DGCR2: variants seen among roughly 807,000 people sequenced by gnomAD.
DGCR2 encodes the protein integral membrane protein DGCR2/IDD.
Under a neutral mutation model 51.6 loss-of-function variants are expected in DGCR2, and 24 were observed. The observed-to-expected ratio is 0.47, with a 90% CI of 0.34 to 0.65. The LOEUF is 0.65. DGCR2 is among the 30% of genes least tolerant of loss of function. DGCR2 has a pLI of 0.01. For synonymous variants in DGCR2, 340 were observed against 315.4 expected (o/e 1.08, Z -0.82); for missense variants, 765 against 772.1 (o/e 0.99, Z 0.11).
chr22:19,071,481 TAA>T (rs576018440), intron 2 of DGCR2, among the ~76,000 whole-genome samples: 10 of 144,644 alleles, frequency 6.9e-5, no homozygotes, highest in African/African-American at 2.5e-4. Flanking sequence ...TATTGCTACC[TAA>T]AAAAAAAAAG....
intron 1 of DGCR2, among the ~76,000 whole-genome samples, chr22:19,091,710 G>A (rs1268399333): frequency 1.3e-4 from 20 of 151,580 alleles, no homozygotes; most frequent in Admixed American, 9.8e-4. Flanking sequence ...TCAGGAGTTC[G>A]AGACCAGCCT....
Position 19,061,341 on chromosome 22 carries a change from C to G in DGCR2, c.625+1861G>C, listed in dbSNP as rs372929461. On this transcript the variant is annotated intron_variant, in intron 5 of 9. Transcript: ENST00000263196. The stretch of plus-strand genomic sequence containing the variant: ...CGATTCCACTATGGAGAGAGGAGTG[C>G]GTGCACCCGAGCCACCTCGGTGCTG... 2.0e-5 allele frequency: 3 copies of G among 152,514 alleles called. No homozygotes were observed. In the South Asian group the frequency reaches 6.2e-4, roughly 31 times the overall value. 9.4% of individuals were successfully genotyped at this position (152,514 alleles called of 1,614,324 possible).
rs190441824 is a variant in DGCR2 at position 19,117,118 on chromosome 22, C to T, written c.79+5010G>A. On this transcript the variant is annotated intron_variant, in intron 1 of 9. Transcript: ENST00000263196. ...CCCATTACTGCTAAGAGGATCTGTG[C>T]GTAACAAGATTACCTGCCGTCACTG... 3.0e-4 allele frequency among the ~76,000 whole-genome samples: 45 copies of T among 152,244 alleles called. No individual in the cohort carries two copies. The East Asian group carries it at 7.9e-3, about 27-fold the overall frequency.
At position 19,111,007 on chromosome 22, in the gene DGCR2, T is replaced by A. The variant is rs1248887243; in HGVS notation, c.79+11121A>T. On this transcript the variant is annotated intron_variant, in intron 1 of 9. Transcript: ENST00000263196. Reference sequence around the variant, plus strand: ...TTAAGTAGTATGTTTTATATTCAGTTATACACATTTTTTTCCTTTTAAAAT... The same window carrying A: ...TTAAGTAGTATGTTTTATATTCAGTAATACACATTTTTTTCCTTTTAAAAT... Among the ~76,000 whole-genome samples, 3 of 152,248 alleles carry A rather than the reference T, an allele frequency of 2.0e-5. No individual in the cohort carries two copies. The East Asian group carries it at 5.8e-4, about 29-fold the overall frequency.
At chr22:19,072,137 G>C (rs1467840240) in intron 2 of DGCR2, among the ~76,000 whole-genome samples, 9 of 152,156 alleles carry the variant, frequency 5.9e-5, no homozygotes, top group African/African-American at 1.9e-4. Flanking sequence ...GATAAAACAG[G>C]TGGTGTCTGG....
Position 19,122,187 on chromosome 22 carries a change from C to A in DGCR2, c.20G>T (p.Ser7Ile). Residue 7 changes from serine to isoleucine, a missense_variant, in exon 1 of 10, where the codon AGC becomes ATC. Ser to Ile is a moderately radical substitution (Grantham distance 142). Around this residue, in one of 3 missense-constraint regions of DGCR2, gnomAD observed 370 missense variants for 325.5 expected, o/e 1.14. Transcript: ENST00000263196. ...CAGGAAGAGCAGCAGGAAGGCGCCG[C>A]TGTCTGCCTTGGGCACCATTTATCC... MVPKAD[S>I]GAFLLLFLLV... 1 of 1,510,808 alleles carries A rather than the reference C, an allele frequency of 6.6e-7. No individual in the cohort carries two copies. The highest frequency in any genetic ancestry group is 2.1e-5 in the Admixed American group (1 of 46,636). The allele number at this position is 1,510,808 out of a possible 1,614,324, so 93.6% of individuals were successfully genotyped here.
At chr22:19,056,927 C>T (rs2082610043) in intron 6 of DGCR2, 59 bp downstream of exon 6, 1 of 1,490,746 alleles carries the variant, frequency 6.7e-7, no homozygotes, top group Non-Finnish European at 9.0e-7. Flanking sequence ...ACTCAGGGTC[C>T]AACAAAGTGA....
chr22:19,084,747 G>A (rs1291448353), intron 2 of DGCR2, among the ~76,000 whole-genome samples: 9 of 146,136 alleles, frequency 6.2e-5, no homozygotes, highest in South Asian at 2.3e-4. Context: ...CAGCCGCCCC[G>A]TCCGGGAGGG....
chr22:19,088,120 G>T (rs1228115015), intron 2 of DGCR2, among the ~76,000 whole-genome samples: 1 of 152,118 alleles, frequency 6.6e-6, no homozygotes, highest in Non-Finnish European at 1.5e-5. Flanking sequence ...GGAATGAATT[G>T]GTTTTCCTTC....
chr22:19,044,659 C>A (rs1312707996), intron 7 of DGCR2, among the ~76,000 whole-genome samples: 1 of 152,214 alleles, frequency 6.6e-6, no homozygotes, highest in Non-Finnish European at 1.5e-5. Context: ...TTGATGCTAT[C>A]AGTTTCATTA....
At chr22:19,104,225 A>T (rs1032612428) in intron 1 of DGCR2, among the ~76,000 whole-genome samples, 1 of 152,172 alleles carries the variant, frequency 6.6e-6, no homozygotes, top group South Asian at 2.1e-4. Flanking sequence ...GGGAACCCCC[A>T]GAGACCCCTG....
chr22:19,074,055 A>C (rs1021920308), intron 2 of DGCR2, among the ~76,000 whole-genome samples: 1 of 152,226 alleles, frequency 6.6e-6, no homozygotes, highest in Non-Finnish European at 1.5e-5. Context: ...AGAGACTTCT[A>C]GGTACTTAAA....
chr22:19,105,976 C>T (rs550086003), intron 1 of DGCR2, among the ~76,000 whole-genome samples: 1 of 152,212 alleles, frequency 6.6e-6, no homozygotes, highest in Non-Finnish European at 1.5e-5. Context: ...GCCCCTTCCC[C>T]ATCGCTGCCA....
chr22:19,063,403 C>T (rs1044978145), intron 4 of DGCR2, 125 bp from the exon 5 acceptor site: 28 of 835,356 alleles, frequency 3.4e-5, no homozygotes, highest in South Asian at 2.3e-4. Flanking sequence ...TGCAGTGGTG[C>T]GATCTCGGCT....
At chr22:19,082,222 C>CTTTTTTTTTTTTTTTTTTTT in intron 2 of DGCR2, among the ~76,000 whole-genome samples, 1 of 88,052 alleles carries the variant, frequency 1.1e-5, no homozygotes, top group Non-Finnish European at 2.1e-5. Flanking sequence ...CTAATTATTT[C>CTTTTTTTTTTTTTTTTTTTT]TTTTTTTTTT....
At chr22:19,116,313 T>G (rs1010174108) in intron 1 of DGCR2, among the ~76,000 whole-genome samples, 1 of 152,146 alleles carries the variant, frequency 6.6e-6, no homozygotes, top group African/African-American at 2.4e-5. Flanking sequence ...CCCTCCAACC[T>G]AGACTTGCCC....
intron 7 of DGCR2, chr22:19,047,849 C>T (rs1224425212): frequency 6.5e-6 from 1 of 154,910 alleles, no homozygotes; most frequent in African/African-American, 2.4e-5. Flanking sequence ...TGTCACTACC[C>T]TCCATATCAT....
chr22:19,067,987 C>T, intron 3 of DGCR2, 113 bp downstream of exon 3: 1 of 1,381,324 alleles, frequency 7.2e-7, no homozygotes, highest in South Asian at 1.7e-5. Context: ...CCTCACTGGC[C>T]TCCAAGGGCT....
At chr22:19,108,464 C>T (rs2083281124) in intron 1 of DGCR2, among the ~76,000 whole-genome samples, 1 of 150,638 alleles carries the variant, frequency 6.6e-6, no homozygotes, top group South Asian at 2.1e-4. Context: ...GTCCCAGCTA[C>T]TCGGTGAGGG....
Sources: allele counts gnomAD v4.1 joint callset (sites outside exome capture counted in the v4.1 genomes callset), GRCh38; gene constraint gnomAD v4.1.1; regional missense constraint gnomAD v4.1.1; transcripts MANE v1.5; gene names NCBI Gene and HGNC (gene_info 2026-07-23, HGNC 2026-07-21).